The following ROBO2 variants were observed in gnomAD, a reference collection of about 807,000 sequenced individuals.
ROBO2 encodes roundabout guidance receptor 2, also known as roundabout homolog 2.
Under a neutral mutation model 160.8 loss-of-function variants are expected in ROBO2, and 53 were observed. The observed-to-expected ratio is 0.33, with a 90% CI of 0.26 to 0.41. ROBO2 has a LOEUF of 0.41. Among genes scored for constraint, ROBO2 ranks in the 10% least tolerant of loss-of-function variants. The pLI is 1.00. For synonymous variants in ROBO2, 664 were observed against 611.7 expected, an observed-to-expected ratio of 1.09 and a Z score of -1.26; for missense variants, 1,577 against 1,722.4, an observed-to-expected ratio of 0.92 and a Z score of 1.49.
chr3:77,621,782 T>A (rs1051475077), intron 22 of ROBO2, among the ~76,000 whole-genome samples: 5 of 152,084 alleles, frequency 3.3e-5, no homozygotes, highest in Non-Finnish European at 7.4e-5. Flanking sequence ...GTAGGGGATA[T>A]TAGGTCCTCA....
intron 2 of ROBO2, among the ~76,000 whole-genome samples, chr3:76,966,528 G>A (rs952204470): frequency 2.6e-5 from 4 of 152,074 alleles, no homozygotes; most frequent in Non-Finnish European, 5.9e-5. Flanking sequence ...CTTAATCATC[G>A]GAGTAAAGAT....
chr3:77,341,390 T>C (rs2067042098), intron 2 of ROBO2, among the ~76,000 whole-genome samples: 1 of 152,126 alleles, frequency 6.6e-6, no homozygotes, highest in Non-Finnish European at 1.5e-5. Context: ...TAGATTTAAG[T>C]TTTCCTGAAA....
At position 76,838,720 on chromosome 3, in the gene ROBO2, GTTA is replaced by G. The variant is rs146448725; in HGVS notation, c.110-259291_110-259289del. ...ATTACAAATGACCTTATGGCATTAT[GTTA>G]TTCATTGTAAGGGCTCCGAAAGTGG... is the stretch of plus-strand genomic sequence containing the variant. On this transcript the variant is annotated intron_variant, in intron 2 of 26. Coordinates refer to the ROBO2 transcript ENST00000487694. Among the ~76,000 whole-genome samples the G allele has an allele frequency of 5.4e-3, 825 of 152,150 alleles. 9 individuals are homozygous for G. Among genetic ancestry groups the G allele is most frequent in the African/African-American group, 0.019 (782 of 41,524 alleles).
chr3:76,532,471 G>T (rs936850080), intron 2 of ROBO2, among the ~76,000 whole-genome samples: 3 of 152,096 alleles, frequency 2.0e-5, no homozygotes, highest in Non-Finnish European at 4.4e-5. Context: ...CCTTTCATAT[G>T]ATCAAAATAA....
intron 2 of ROBO2, among the ~76,000 whole-genome samples, chr3:76,005,300 A>T (rs900682562): frequency 2.0e-5 from 3 of 152,238 alleles, no homozygotes; most frequent in African/African-American, 7.2e-5. Flanking sequence ...GAGCAAGGAC[A>T]TGAACAGATG....
chr3:76,714,348 C>T (rs1222242231), intron 2 of ROBO2, among the ~76,000 whole-genome samples: 14 of 152,110 alleles, frequency 9.2e-5, no homozygotes. Context: ...AATTACAGCT[C>T]AGGCGTGGAC....
intron 2 of ROBO2, among the ~76,000 whole-genome samples, chr3:76,762,725 G>T (rs188679495): frequency 1.3e-5 from 2 of 151,668 alleles, no homozygotes; most frequent in Admixed American, 6.6e-5. Context: ...ACCTCTTCTT[G>T]ATGCTTATTA....
intron 2 of ROBO2, chr3:77,316,734 C>A (rs2064032952): frequency 4.3e-6 from 4 of 925,790 alleles, no homozygotes; most frequent in Non-Finnish European, 7.2e-6. Flanking sequence ...TTAAATTAAA[C>A]AATTGTATGG....
intron 23 of ROBO2, among the ~76,000 whole-genome samples, chr3:77,623,354 G>C (rs938080180): frequency 2.0e-5 from 3 of 152,080 alleles, no homozygotes; most frequent in Non-Finnish European, 4.4e-5. Flanking sequence ...TTCATCCTAG[G>C]AGATATTTTA....
intron 2 of ROBO2, among the ~76,000 whole-genome samples, chr3:77,434,008 G>A (rs1201703712): frequency 1.3e-5 from 2 of 152,054 alleles, no homozygotes; most frequent in African/African-American, 4.8e-5. Context: ...CAGCTTGTTA[G>A]CTAGTGCACC....
chr3:76,837,969 T>TC (rs899464394), intron 2 of ROBO2, among the ~76,000 whole-genome samples: 19 of 152,154 alleles, frequency 1.2e-4, no homozygotes, highest in African/African-American at 3.6e-4. Context: ...TATGCAGTCT[T>TC]CTTAAAGCTA....
At chr3:77,279,338 T>C (rs1017027707) in intron 2 of ROBO2, among the ~76,000 whole-genome samples, 1 of 152,108 alleles carries the variant, frequency 6.6e-6, no homozygotes, top group Admixed American at 6.6e-5. Flanking sequence ...GCATTGCTTA[T>C]ACGGGAAACA....
At chr3:76,548,118 T>G (rs889669919) in intron 2 of ROBO2, among the ~76,000 whole-genome samples, 1 of 152,180 alleles carries the variant, frequency 6.6e-6, no homozygotes, top group African/African-American at 2.4e-5. Context: ...AAATTCATCA[T>G]GATGTTTGGA....
intron 2 of ROBO2, among the ~76,000 whole-genome samples, chr3:77,109,059 A>G (rs982300936): frequency 1.3e-5 from 2 of 152,188 alleles, no homozygotes; most frequent in African/African-American, 4.8e-5. Flanking sequence ...AAGTTGATTA[A>G]TTAAGTTCAG....
At chr3:76,253,407 G>A (rs967874973) in intron 2 of ROBO2, among the ~76,000 whole-genome samples, 5 of 151,712 alleles carry the variant, frequency 3.3e-5, no homozygotes, top group African/African-American at 1.2e-4. Context: ...TGAGTAGCTG[G>A]TACTACAGGT....
At chr3:76,799,023 G>A (rs895494498) in intron 2 of ROBO2, among the ~76,000 whole-genome samples, 2 of 151,992 alleles carry the variant, frequency 1.3e-5, no homozygotes, top group Admixed American at 1.3e-4. Context: ...GACCATCCTG[G>A]CTAACATGGT....
chr3:76,874,964 A>C (rs937725231), intron 2 of ROBO2, among the ~76,000 whole-genome samples: 2 of 152,116 alleles, frequency 1.3e-5, no homozygotes, highest in African/African-American at 4.8e-5. Context: ...ACATGAGAAC[A>C]TTTTCCTTGC....
At chr3:76,573,871 G>C (rs1447792) in intron 2 of ROBO2, among the ~76,000 whole-genome samples, 146,926 of 152,108 alleles carry the variant, frequency 0.97, 71,185 homozygotes, top group East Asian at 1. Flanking sequence ...GTAACATTTC[G>C]TCCTATTATC....
At chr3:76,114,071 C>G (rs1180653842) in intron 2 of ROBO2, among the ~76,000 whole-genome samples, 3 of 152,186 alleles carry the variant, frequency 2.0e-5, no homozygotes, top group Non-Finnish European at 2.9e-5. Context: ...CAAAATAAAG[C>G]TCCTTTCCTT....
Sources: gnomAD v4.1 joint callset for allele counts (sites outside exome capture counted in the v4.1 genomes callset) on GRCh38, gnomAD v4.1.1 for gene constraint, MANE v1.5 for transcripts, NCBI Gene and HGNC (gene_info 2026-07-23, HGNC 2026-07-21) for gene names.